AXDND1: variants seen among roughly 807,000 people sequenced by gnomAD.
AXDND1 encodes the protein axonemal dynein light chain domain containing 1.
A neutral mutation model predicts 137.5 loss-of-function variants in AXDND1; 110 were observed. That is an observed-to-expected ratio of 0.80 (90% CI 0.69 to 0.94). The LOEUF is 0.94. Ranked by LOEUF, AXDND1 falls within the 40% of genes least tolerant of loss-of-function variation. The pLI, the probability that AXDND1 is intolerant of heterozygous loss-of-function variation, is 0.00. For missense variants in AXDND1, 1,191 were observed against 1,169.8 expected (o/e 1.02, Z -0.26); for synonymous variants, 414 against 399.7 (o/e 1.04, Z -0.43).
chr1:179,420,544 A>G (rs1571752882), intron 12 of AXDND1, among the ~76,000 whole-genome samples: 2 of 152,092 alleles, frequency 1.3e-5, no homozygotes. Context: ...GTAGAATTCA[A>G]CTATGAAGCC....
At chr1:179,411,080 A>T (rs1042288115) in intron 11 of AXDND1, 66 bp from the exon 12 acceptor site, 32 of 1,297,662 alleles carry the variant, frequency 2.5e-5, no homozygotes, top group Non-Finnish European at 3.1e-5. Context: ...TTTCTTTTTT[A>T]AAAAATATAT....
chr1:179,423,438 GTTA>G (rs1270320579), intron 12 of AXDND1, among the ~76,000 whole-genome samples: 1 of 152,088 alleles, frequency 6.6e-6, no homozygotes, highest in Non-Finnish European at 1.5e-5. Context: ...TACATTCAGT[GTTA>G]TTATTGATAA....
chr1:179,442,141 C>T (rs1341597582), intron 15 of AXDND1, among the ~76,000 whole-genome samples: 4 of 152,106 alleles, frequency 2.6e-5, no homozygotes, highest in African/African-American at 4.8e-5. Flanking sequence ...GGCAGCACAG[C>T]GTAAAATTCT....
intron 20 of AXDND1, among the ~76,000 whole-genome samples, chr1:179,497,043 T>C (rs904077566): frequency 6.6e-6 from 1 of 152,136 alleles, no homozygotes; most frequent in Admixed American, 6.5e-5. Context: ...GATTTCATTG[T>C]AGTCAGAGAA....
intron 25 of AXDND1, chr1:179,550,951 A>G (rs1673156571): frequency 1.7e-6 from 1 of 590,182 alleles, no homozygotes; most frequent in East Asian, 2.9e-5. Context: ...GTTTCCCATA[A>G]TTGCTCTGAC....
Position 179,369,046 on chromosome 1 carries a change from A to G in AXDND1, c.270+74A>G, listed in dbSNP as rs1224272445. On this transcript the variant is annotated intron_variant, in intron 3 of 25. Transcript: ENST00000367618. ...TCTGATTATTCTTTAAGTATTTATT[A>G]TGCACATATTATATATTCCAGATAG... is the stretch of plus-strand genomic sequence containing the variant. 16 of 1,374,870 alleles carry G rather than the reference A, an allele frequency of 1.2e-5. No homozygotes were observed. In the Middle Eastern group the frequency reaches 2.0e-3, roughly 174 times the overall value. 85.2% of individuals were successfully genotyped at this position (1,374,870 alleles called of 1,614,324 possible).
At position 179,528,398 on chromosome 1, in the gene AXDND1, A is replaced by C; in HGVS notation, c.2682A>C (p.Lys894Asn). Residue 894 changes from lysine to asparagine, a missense_variant, in exon 23 of 26, where the codon AAA (lysine) becomes AAC (asparagine). Lys to Asn is a moderately conservative substitution (Grantham distance 94). Transcript: ENST00000367618. ...GAGAAGATGAAAATGTTCATTCCAA[A>C]CCTCTATTTGAAACAGATGTGTTGT... is the stretch of plus-strand genomic sequence containing the variant. Reference protein sequence around the residue: ...FIGEDENVHSKPLFETDVLSS... With the variant: ...FIGEDENVHSNPLFETDVLSS... 6.2e-7 allele frequency: 1 copy of C among 1,613,642 alleles called. No individual in the cohort carries two copies. The highest frequency in any genetic ancestry group is 1.7e-5 in the Admixed American group (1 of 59,994).
At chr1:179,547,012 A>G (rs1327042075) in intron 25 of AXDND1, among the ~76,000 whole-genome samples, 1 of 152,120 alleles carries the variant, frequency 6.6e-6, no homozygotes, top group Non-Finnish European at 1.5e-5. Flanking sequence ...CCCAGATACT[A>G]CTTGGGAAAC....
intron 16 of AXDND1, among the ~76,000 whole-genome samples, chr1:179,461,409 T>A (rs1662303149): frequency 6.6e-6 from 1 of 152,092 alleles, no homozygotes. Context: ...CATTGGTCTA[T>A]ATATCTGTTT....
intron 16 of AXDND1, chr1:179,456,592 C>A: frequency 1.3e-6 from 1 of 791,218 alleles, no homozygotes. Context: ...TAACCACCAT[C>A]ATTACCAAAC....
At chr1:179,484,953 G>T (rs1327615788) in intron 18 of AXDND1, among the ~76,000 whole-genome samples, 1 of 152,102 alleles carries the variant, frequency 6.6e-6, no homozygotes, top group Non-Finnish European at 1.5e-5. Flanking sequence ...CAACAGTGCT[G>T]CTGGCATGAA....
intron 25 of AXDND1, chr1:179,545,114 G>A (rs1672527701): frequency 6.6e-6 from 1 of 152,300 alleles, no homozygotes; most frequent in Non-Finnish European, 1.5e-5. Context: ...TCAGTTGCAA[G>A]TGACAACTGG....
chr1:179,462,388 G>T (rs1388189483), intron 16 of AXDND1, among the ~76,000 whole-genome samples: 2 of 152,170 alleles, frequency 1.3e-5, no homozygotes, highest in African/African-American at 4.8e-5. Flanking sequence ...GAATCCCAGG[G>T]ATGAAGCCAG....
chr1:179,551,560 G>A (rs1673287038), intron 25 of AXDND1: 3 of 1,228,858 alleles, frequency 2.4e-6, no homozygotes, highest in South Asian at 1.3e-5. Context: ...TATGTGGCAA[G>A]CACGGTTAAG....
At chr1:179,547,293 A>T (rs1428426749) in intron 25 of AXDND1, among the ~76,000 whole-genome samples, 2 of 152,194 alleles carry the variant, frequency 1.3e-5, no homozygotes, top group African/African-American at 4.8e-5. Flanking sequence ...AGCTGTGTCT[A>T]GGGTTCATCA....
At chr1:179,390,305 C>T (rs115248116) in intron 9 of AXDND1, among the ~76,000 whole-genome samples, 3,043 of 152,228 alleles carry the variant, frequency 0.02, 107 homozygotes, top group African/African-American at 0.069. Context: ...TGAGCCATCA[C>T]GCCTGGCCTA....
At chr1:179,513,592 G>C (rs753806452) in intron 21 of AXDND1, among the ~76,000 whole-genome samples, 9 of 152,242 alleles carry the variant, frequency 5.9e-5, no homozygotes, top group Non-Finnish European at 1.0e-4. Flanking sequence ...ATGAATTAGG[G>C]AAGGTTCCCT....
intron 25 of AXDND1, chr1:179,552,408 C>T: frequency 3.2e-6 from 2 of 628,130 alleles, no homozygotes; most frequent in South Asian, 3.6e-5. Flanking sequence ...TCAGTAGCTT[C>T]AGAGAGGGAG....
intron 9 of AXDND1, among the ~76,000 whole-genome samples, chr1:179,389,214 C>G (rs1175288673): frequency 6.6e-6 from 1 of 152,086 alleles, no homozygotes; most frequent in Non-Finnish European, 1.5e-5. Flanking sequence ...TTCAGGTGGT[C>G]TGCCCACTTC....
Sources: allele counts gnomAD v4.1 joint callset (sites outside exome capture counted in the v4.1 genomes callset), GRCh38; gene constraint gnomAD v4.1.1; transcripts MANE v1.5; gene names NCBI Gene and HGNC (gene_info 2026-07-23, HGNC 2026-07-21).